The following CTNNA3 variants were observed in gnomAD, a reference collection of about 807,000 sequenced individuals.
CTNNA3 encodes catenin alpha-3.
CTNNA3 carries 76 observed loss-of-function variants against 95.7 expected under a neutral mutation model. That is an observed-to-expected ratio of 0.79 (90% CI 0.66 to 0.96). CTNNA3 has a LOEUF of 0.96. Among genes scored for constraint, CTNNA3 ranks in the 40% least tolerant of loss-of-function variants. The pLI is 0.00. For synonymous variants in CTNNA3, 431 were observed against 374.4 expected (o/e 1.15, Z -1.74); for missense variants, 1,191 against 1,089.8 (o/e 1.09, Z -1.31).
At chr10:67,158,934 CATATTGTTTT>C (rs950338765) in intron 7 of CTNNA3, among the ~76,000 whole-genome samples, 1 of 151,908 alleles carries the variant, frequency 6.6e-6, no homozygotes, top group Non-Finnish European at 1.5e-5. Context: ...GAGACCCTCT[CATATTGTTTT>C]ATATTGTTTT....
chr10:67,722,851 A>T (rs971043834), intron 1 of CTNNA3, among the ~76,000 whole-genome samples: 18 of 152,194 alleles, frequency 1.2e-4, no homozygotes, highest in African/African-American at 4.3e-4. Context: ...TATTTGCTCA[A>T]ATATTTTAAA....
chr10:66,728,492 T>C (rs1247548131), intron 9 of CTNNA3, among the ~76,000 whole-genome samples: 3 of 152,248 alleles, frequency 2.0e-5, no homozygotes, highest in African/African-American at 7.2e-5. Flanking sequence ...GTTTTCATCA[T>C]GAAATCTTTG....
intron 13 of CTNNA3, among the ~76,000 whole-genome samples, chr10:66,195,026 T>G (rs1427195938): frequency 6.6e-6 from 1 of 152,194 alleles, no homozygotes; most frequent in Non-Finnish European, 1.5e-5. Context: ...ATGCATACTT[T>G]CAAAATGACA....
chr10:65,937,263 G>T (rs2077355336), intron 17 of CTNNA3, among the ~76,000 whole-genome samples: 1 of 152,064 alleles, frequency 6.6e-6, no homozygotes, highest in African/African-American at 2.4e-5. Context: ...ATTTATCCAG[G>T]ATTATCTTTC....
intron 10 of CTNNA3, among the ~76,000 whole-genome samples, chr10:66,554,646 T>A (rs1466157819): frequency 6.6e-6 from 1 of 152,180 alleles, no homozygotes; most frequent in Non-Finnish European, 1.5e-5. Flanking sequence ...CACTGAGTTA[T>A]CATTTTCAGC....
intron 7 of CTNNA3, among the ~76,000 whole-genome samples, chr10:67,101,338 C>T (rs906821776): frequency 8.6e-5 from 13 of 151,758 alleles, no homozygotes; most frequent in African/African-American, 3.1e-4. Context: ...ATGTTCAATT[C>T]GGAGCTAATT....
chr10:66,892,391 A>G (rs556330307), intron 7 of CTNNA3, among the ~76,000 whole-genome samples: 141 of 152,220 alleles, frequency 9.3e-4, no homozygotes, highest in Admixed American at 1.8e-3. Context: ...CGGAAAACCA[A>G]TATAGCTTAA....
At chr10:66,227,135 GACTAC>G (rs2089334438) in intron 13 of CTNNA3, among the ~76,000 whole-genome samples, 1 of 152,100 alleles carries the variant, frequency 6.6e-6, no homozygotes, top group African/African-American at 2.4e-5. Context: ...GAGTAGCTGG[GACTAC>G]ACAAATATGC....
intron 5 of CTNNA3, among the ~76,000 whole-genome samples, chr10:67,236,104 G>A (rs1057089111): frequency 4.9e-5 from 7 of 141,998 alleles, no homozygotes; most frequent in East Asian, 2.2e-4. Flanking sequence ...TCACTGTGGC[G>A]ATTCCTCAGG....
intron 10 of CTNNA3, among the ~76,000 whole-genome samples, chr10:66,570,516 T>C (rs993347394): frequency 6.6e-6 from 1 of 151,998 alleles, no homozygotes; most frequent in African/African-American, 2.4e-5. Context: ...CTTGATCTCT[T>C]GACCTCGTGA....
chr10:66,385,102 T>A (rs2132509124), intron 11 of CTNNA3, among the ~76,000 whole-genome samples: 1 of 152,092 alleles, frequency 6.6e-6, no homozygotes, highest in East Asian at 1.9e-4. Context: ...AGAGCAGACC[T>A]GAAAGAGATA....
chr10:67,383,900 C>G (rs1844044426), intron 5 of CTNNA3, among the ~76,000 whole-genome samples: 1 of 152,146 alleles, frequency 6.6e-6, no homozygotes, highest in Non-Finnish European at 1.5e-5. Flanking sequence ...TTCCTTCAGA[C>G]TACTGAGGAA....
intron 10 of CTNNA3, among the ~76,000 whole-genome samples, chr10:66,599,021 A>G (rs370439085): frequency 1.1e-4 from 16 of 146,090 alleles, no homozygotes; most frequent in African/African-American, 4.0e-4. Context: ...TAATCAAAAC[A>G]ATATGGTACT....
chr10:66,962,085 C>T (rs188125677), intron 7 of CTNNA3, among the ~76,000 whole-genome samples: 9 of 152,290 alleles, frequency 5.9e-5, no homozygotes, highest in Admixed American at 1.3e-4. Flanking sequence ...CTTCCACCTT[C>T]ACCTCATCTC....
At chr10:66,327,075 T>C (rs866364124) in intron 12 of CTNNA3, among the ~76,000 whole-genome samples, 2 of 152,094 alleles carry the variant, frequency 1.3e-5, no homozygotes, top group Middle Eastern at 3.2e-3. Context: ...GTTTCAGAAC[T>C]ATTTTTAGGC....
At chr10:67,263,391 G>A (rs757127031) in intron 5 of CTNNA3, among the ~76,000 whole-genome samples, 1 of 152,152 alleles carries the variant, frequency 6.6e-6, no homozygotes, top group Non-Finnish European at 1.5e-5. Context: ...GTCAGAGGTG[G>A]AGAAAAGGCT....
At chr10:67,002,851 A>G (rs1197129041) in intron 7 of CTNNA3, among the ~76,000 whole-genome samples, 1 of 152,180 alleles carries the variant, frequency 6.6e-6, no homozygotes, top group East Asian at 1.9e-4. Context: ...TAAATAAAAA[A>G]CAATTTTTTA....
At chr10:67,305,996 A>G (rs549254014) in intron 5 of CTNNA3, among the ~76,000 whole-genome samples, 1 of 152,326 alleles carries the variant, frequency 6.6e-6, no homozygotes, top group East Asian at 1.9e-4. Flanking sequence ...TGTGCTTGAC[A>G]AGTAGGAAGT....
chr10:67,024,100 G>A (rs1345260309), intron 7 of CTNNA3, among the ~76,000 whole-genome samples: 1 of 152,188 alleles, frequency 6.6e-6, no homozygotes, highest in Non-Finnish European at 1.5e-5. Flanking sequence ...CTAAAGTCAA[G>A]TCAGCAGGAC....
Sources: allele counts gnomAD v4.1 joint callset (sites outside exome capture counted in the v4.1 genomes callset), GRCh38; gene constraint gnomAD v4.1.1; transcripts MANE v1.5; gene names NCBI Gene and HGNC (gene_info 2026-07-23, HGNC 2026-07-21).